TBC1D32: variants seen among roughly 807,000 people sequenced by gnomAD.
The protein encoded by TBC1D32 is TBC1 domain family member 32, also known as protein broad-minded.
Under a neutral mutation model 170.3 loss-of-function variants are expected in TBC1D32, and 151 were observed. The observed-to-expected ratio is 0.89, with a 90% CI of 0.78 to 1.01. The LOEUF is 1.01. Among genes scored for constraint, TBC1D32 ranks in the 50% least tolerant of loss-of-function variants. TBC1D32 has a pLI of 0.00. For missense variants in TBC1D32, 1,464 were observed against 1,457.1 expected (o/e 1.00, Z -0.08); for synonymous variants, 498 against 488.0 (o/e 1.02, Z -0.27).
chr6:121,249,368 C>A (rs573306116), intron 17 of TBC1D32, among the ~76,000 whole-genome samples: 2 of 151,636 alleles, frequency 1.3e-5, no homozygotes, highest in African/African-American at 4.8e-5. Context: ...CATAGAGAAT[C>A]GGAAAAAGTT....
At chr6:121,158,086 G>A (rs575479737) in intron 24 of TBC1D32, among the ~76,000 whole-genome samples, 19 of 152,186 alleles carry the variant, frequency 1.2e-4, no homozygotes, top group Middle Eastern at 3.4e-3. Flanking sequence ...GACTTCAAAT[G>A]TTTTCCAAGT....
At chr6:121,232,516 A>C (rs986669944) in intron 20 of TBC1D32, among the ~76,000 whole-genome samples, 1 of 152,128 alleles carries the variant, frequency 6.6e-6, no homozygotes, top group African/African-American at 2.4e-5. Flanking sequence ...TTTGGGAAGT[A>C]TAGCCATTTT....
intron 12 of TBC1D32, among the ~76,000 whole-genome samples, chr6:121,290,638 T>G (rs1321490433): frequency 6.6e-6 from 1 of 152,168 alleles, no homozygotes; most frequent in East Asian, 1.9e-4. Context: ...GACCCAGCAG[T>G]CCCATTACTG....
At chr6:121,293,038 C>A (rs961784360) in intron 11 of TBC1D32, among the ~76,000 whole-genome samples, 1 of 151,730 alleles carries the variant, frequency 6.6e-6, no homozygotes, top group Non-Finnish European at 1.5e-5. Flanking sequence ...TTCTTGAGTA[C>A]CAGAAAAGAT....
At chr6:121,331,844 C>G (rs533295107) in intron 1 of TBC1D32, among the ~76,000 whole-genome samples, 2 of 152,124 alleles carry the variant, frequency 1.3e-5, no homozygotes, top group African/African-American at 2.4e-5. Context: ...GAGTTCCCTC[C>G]TCCTAAGACA....
chr6:121,278,818 G>A (rs1802592990), intron 15 of TBC1D32, among the ~76,000 whole-genome samples: 1 of 151,984 alleles, frequency 6.6e-6, no homozygotes, highest in African/African-American at 2.4e-5. Flanking sequence ...GAGAAAATAG[G>A]AACTAGAGGA....
intron 22 of TBC1D32, among the ~76,000 whole-genome samples, chr6:121,189,284 G>A (rs1466277491): frequency 6.6e-6 from 1 of 151,824 alleles, no homozygotes; most frequent in Non-Finnish European, 1.5e-5. Flanking sequence ...AGAACTTCAG[G>A]GCAAAGAATT....
chr6:121,132,411 T>C (rs139058189), intron 24 of TBC1D32, among the ~76,000 whole-genome samples: 225 of 152,110 alleles, frequency 1.5e-3, no homozygotes, highest in African/African-American at 5.2e-3. Flanking sequence ...GGATGAGAAG[T>C]TGAGACCAGA....
At chr6:121,187,621 C>T (rs1168751700) in intron 22 of TBC1D32, among the ~76,000 whole-genome samples, 2 of 151,978 alleles carry the variant, frequency 1.3e-5, no homozygotes, top group Non-Finnish European at 2.9e-5. Context: ...GAGAAAGTGG[C>T]TCCATGAAAA....
At chr6:121,128,859 C>T (rs1442707691) in intron 25 of TBC1D32, among the ~76,000 whole-genome samples, 1 of 152,098 alleles carries the variant, frequency 6.6e-6, no homozygotes, top group African/African-American at 2.4e-5. Context: ...AAATCCAATA[C>T]ATATCCAAAC....
intron 31 of TBC1D32, among the ~76,000 whole-genome samples, chr6:121,082,447 G>C (rs780067808): frequency 2.0e-5 from 3 of 151,954 alleles, no homozygotes; most frequent in Non-Finnish European, 2.9e-5. Flanking sequence ...TATGTGTGAC[G>C]TGGCTTTAAC....
intron 17 of TBC1D32, among the ~76,000 whole-genome samples, chr6:121,243,749 T>C (rs954210730): frequency 2.7e-5 from 4 of 148,942 alleles, no homozygotes; most frequent in African/African-American, 4.9e-5. Context: ...AAAAAGAATA[T>C]ATATAAAAGT....
intron 17 of TBC1D32, among the ~76,000 whole-genome samples, chr6:121,245,008 A>T (rs1797424189): frequency 6.6e-6 from 1 of 152,080 alleles, no homozygotes; most frequent in East Asian, 1.9e-4. Context: ...AGGCCAACAA[A>T]CTCAGGCCAT....
At chr6:121,214,833 C>T (rs1283579104) in intron 21 of TBC1D32, among the ~76,000 whole-genome samples, 1 of 152,120 alleles carries the variant, frequency 6.6e-6, no homozygotes, top group African/African-American at 2.4e-5. Context: ...AGCTCTTGTC[C>T]CACATCCAGG....
At chr6:121,192,814 T>C in intron 22 of TBC1D32, among the ~76,000 whole-genome samples, 1 of 150,452 alleles carries the variant, frequency 6.6e-6, no homozygotes, top group East Asian at 1.9e-4. Context: ...ATCTCCTCCC[T>C]GACCCATGCT....
At chr6:121,303,454 G>C (rs1806782446) in intron 9 of TBC1D32, among the ~76,000 whole-genome samples, 163 bp downstream of exon 9, 1 of 151,850 alleles carries the variant, frequency 6.6e-6, no homozygotes, top group Non-Finnish European at 1.5e-5. Flanking sequence ...TGAAAAATGG[G>C]GGTATTAATA....
intron 11 of TBC1D32, 25 bp downstream of exon 11, chr6:121,294,545 A>G (rs948992292): frequency 7.1e-6 from 11 of 1,549,904 alleles, no homozygotes; most frequent in Middle Eastern, 1.9e-4. Flanking sequence ...TTTTAAAAGT[A>G]TGTAATAGAG....
intron 30 of TBC1D32, among the ~76,000 whole-genome samples, chr6:121,105,302 TAGG>T (rs1391315499): frequency 6.6e-6 from 1 of 151,894 alleles, no homozygotes; most frequent in Non-Finnish European, 1.5e-5. Flanking sequence ...TCATTTCCGT[TAGG>T]AGAATAAAAT....
intron 9 of TBC1D32, among the ~76,000 whole-genome samples, chr6:121,302,089 T>C (rs1806577076): frequency 6.6e-6 from 1 of 152,230 alleles, no homozygotes; most frequent in Non-Finnish European, 1.5e-5. Context: ...AGTATTAAGC[T>C]ATTTTTAATA....
Sources: allele counts gnomAD v4.1 joint callset (sites outside exome capture counted in the v4.1 genomes callset), GRCh38; gene constraint gnomAD v4.1.1; transcripts MANE v1.5; gene names NCBI Gene and HGNC (gene_info 2026-07-23, HGNC 2026-07-21).